PAIP2B: variants seen among roughly 807,000 people sequenced by gnomAD.
PAIP2B encodes polyadenylate-binding protein-interacting protein 2B.
A neutral mutation model predicts 17.0 loss-of-function variants in PAIP2B; 13 were observed. That is an observed-to-expected ratio of 0.76 (90% CI 0.50 to 1.22). The LOEUF (loss-of-function observed/expected upper bound fraction) is 1.22, where lower values mean the gene tolerates loss of function less well. Ranked by LOEUF, PAIP2B falls within the 50% of genes most tolerant of loss-of-function variation. The probability of loss-of-function intolerance (pLI) is 0.00; values close to 1 mark genes in which losing one functional copy is unlikely to be tolerated. For missense variants in PAIP2B, 117 were observed against 144.5 expected, an observed-to-expected ratio of 0.81 and a Z score of 0.98; for synonymous variants, 43 against 48.7, an observed-to-expected ratio of 0.88 and a Z score of 0.48.
At position 71,185,977 on chromosome 2, in the gene PAIP2B, A is replaced by G. The variant is rs943267404; in HGVS notation, c.*2502T>C. ...GAAATACATGTTCCATTTCTATACA[A>G]ATTCTCAAACTTCTAGTTGCCAATT... is the stretch of plus-strand genomic sequence containing the variant. On this transcript the variant is annotated 3_prime_UTR_variant, in exon 4 of 4. Coordinates refer to ENST00000244221, the MANE Select transcript of PAIP2B (RefSeq NM_020459.1). The G allele has an allele frequency of 1.3e-5, 2 of 152,260 alleles. No homozygotes were observed. Among genetic ancestry groups the G allele is most frequent in the African/African-American group, 4.8e-5 (2 of 41,474 alleles). 9.4% of individuals were successfully genotyped at this position (152,260 alleles called of 1,614,324 possible). A position where few individuals can be genotyped will look rare whatever the true frequency, so the allele number is the denominator to read the frequency against.
At chr2:71,218,469 A>G (rs1233573146) in intron 1 of PAIP2B, among the ~76,000 whole-genome samples, 4 of 152,116 alleles carry the variant, frequency 2.6e-5, no homozygotes, top group African/African-American at 9.7e-5. Flanking sequence ...AAACAATGAG[A>G]TTTTCTGCTT....
rs1675720001 is a variant in PAIP2B, at chr2:71,226,197, A to G, written c.-12+731T>C. On this transcript the variant is annotated intron_variant, in intron 1 of 3. Transcript: ENST00000244221. ...AACAGTCTACCAGGAACAAAACATT[A>G]AAGTTCCCAACCTTGCCAAACTCCC... is the stretch of plus-strand genomic sequence containing the variant. Among the ~76,000 whole-genome samples, 4 of 152,302 alleles carry G rather than the reference A, an allele frequency of 2.6e-5. No individual in the cohort carries two copies. The South Asian group carries it at 8.3e-4, about 32-fold the overall frequency.
rs115392526 is a variant in PAIP2B, at chr2:71,197,109, C to T, written c.138+5343G>A. On this transcript the variant is annotated intron_variant, in intron 2 of 3. Coordinates refer to ENST00000244221, the MANE Select transcript of PAIP2B (RefSeq NM_020459.1). ...TGTTTGTGTGGTTGTTTTACAGTGACACTGGTCTGTGTGGTTAAGTGGGTT... is the reference window on the plus strand; with the variant it reads ...TGTTTGTGTGGTTGTTTTACAGTGATACTGGTCTGTGTGGTTAAGTGGGTT... Among the ~76,000 whole-genome samples the T allele has an allele frequency of 2.6e-3, 403 of 152,206 alleles. 2 individuals carry two copies. Among genetic ancestry groups the T allele is most frequent in the African/African-American group, 9.3e-3 (388 of 41,524 alleles).
At chr2:71,206,140 T>G (rs1179482920) in intron 1 of PAIP2B, among the ~76,000 whole-genome samples, 1 of 152,234 alleles carries the variant, frequency 6.6e-6, no homozygotes, top group Non-Finnish European at 1.5e-5. Flanking sequence ...TATACAGGTA[T>G]TCAATAAACA....
intron 1 of PAIP2B, among the ~76,000 whole-genome samples, chr2:71,214,340 C>A (rs1675376030): frequency 6.6e-6 from 1 of 152,174 alleles, no homozygotes; most frequent in Non-Finnish European, 1.5e-5. Flanking sequence ...TTCGGAGAAC[C>A]ATGCTGAAGA....
intron 1 of PAIP2B, among the ~76,000 whole-genome samples, chr2:71,224,396 T>G (rs1675669240): frequency 6.6e-6 from 1 of 152,232 alleles, no homozygotes; most frequent in African/African-American, 2.4e-5. Flanking sequence ...TCAGTGTTCT[T>G]GGCAACTTTA....
rs1011120993 is a variant in PAIP2B, at chr2:71,187,281, A to C, written c.*1198T>G. 1.2e-4 allele frequency: 18 copies of C among 152,230 alleles called. No individual in the cohort carries two copies. Among genetic ancestry groups the C allele is most frequent in the African/African-American group, 4.3e-4 (18 of 41,462 alleles). The allele number at this position is 152,230 out of a possible 1,614,324, so 9.4% of individuals were successfully genotyped here. ...AACACACCCTAAGAGGTCAATCTAC[A>C]AAACTTGCAAAGCTGGGTATGTGGG... is the stretch of plus-strand genomic sequence containing the variant. On this transcript the variant is annotated 3_prime_UTR_variant, in exon 4 of 4. Coordinates refer to ENST00000244221, the MANE Select transcript of PAIP2B (RefSeq NM_020459.1).
intron 1 of PAIP2B, among the ~76,000 whole-genome samples, chr2:71,221,689 A>G (rs889952792): frequency 1.3e-5 from 2 of 152,232 alleles, no homozygotes; most frequent in Non-Finnish European, 2.9e-5. Flanking sequence ...TAGAACTGTT[A>G]TACTCTCAAT....
intron 1 of PAIP2B, among the ~76,000 whole-genome samples, chr2:71,211,337 T>C (rs1434419193): frequency 1.3e-5 from 2 of 152,112 alleles, no homozygotes; most frequent in African/African-American, 2.4e-5. Flanking sequence ...TAGGAGTATA[T>C]AGAATCACCT....
intron 1 of PAIP2B, among the ~76,000 whole-genome samples, chr2:71,223,060 G>A (rs1675630888): frequency 6.6e-6 from 1 of 152,152 alleles, no homozygotes; most frequent in Non-Finnish European, 1.5e-5. Context: ...GTCTTTCTTA[G>A]GCAAATATAA....
At chr2:71,188,632 G>T in intron 3 of PAIP2B, 97 bp from the exon 4 acceptor site, 1 of 1,045,536 alleles carries the variant, frequency 9.6e-7, no homozygotes. Flanking sequence ...TAGCTTTAGG[G>T]AGAGAAAGAA....
chr2:71,188,760 C>CAA (rs1404221280), intron 3 of PAIP2B, among the ~76,000 whole-genome samples: 1 of 152,120 alleles, frequency 6.6e-6, no homozygotes, highest in Non-Finnish European at 1.5e-5. Flanking sequence ...TGATGCTTTC[C>CAA]AAAATCTCAT....
intron 1 of PAIP2B, among the ~76,000 whole-genome samples, chr2:71,215,845 ATC>A (rs1282705342): frequency 3.3e-5 from 5 of 152,342 alleles, no homozygotes; most frequent in South Asian, 2.1e-4. Flanking sequence ...TACTTTATAT[ATC>A]TGTGTATCTA....
chr2:71,199,465 G>A (rs796253676), intron 2 of PAIP2B, among the ~76,000 whole-genome samples: 2 of 150,958 alleles, frequency 1.3e-5, no homozygotes, highest in African/African-American at 4.9e-5. Context: ...AATTCACTAA[G>A]CATTTTCCAT....
chr2:71,191,581 G>C (rs948962128), intron 2 of PAIP2B, among the ~76,000 whole-genome samples: 1 of 152,162 alleles, frequency 6.6e-6, no homozygotes, highest in Non-Finnish European at 1.5e-5. Flanking sequence ...AGAGCACCAG[G>C]CTGTTCAGTT....
chr2:71,192,767 C>A (rs951604681), intron 2 of PAIP2B, among the ~76,000 whole-genome samples: 3 of 152,174 alleles, frequency 2.0e-5, no homozygotes, highest in African/African-American at 7.2e-5. Flanking sequence ...AGGACATAAT[C>A]TCATTATTTT....
chr2:71,203,473 G>T (rs1051056870), intron 1 of PAIP2B, among the ~76,000 whole-genome samples: 1 of 151,960 alleles, frequency 6.6e-6, no homozygotes, highest in Admixed American at 6.6e-5. Context: ...TCCCACCAGT[G>T]GTGTGGAAGT....
At chr2:71,221,946 A>G (rs1675592926) in intron 1 of PAIP2B, among the ~76,000 whole-genome samples, 1 of 152,228 alleles carries the variant, frequency 6.6e-6, no homozygotes, top group Non-Finnish European at 1.5e-5. Context: ...CACTCTTGAT[A>G]GCCCAGAAAC....
intron 2 of PAIP2B, among the ~76,000 whole-genome samples, chr2:71,195,000 C>G (rs1302629450): frequency 6.6e-6 from 1 of 152,120 alleles, no homozygotes; most frequent in Non-Finnish European, 1.5e-5. Context: ...TGGCTTTTAT[C>G]TTTAATTCTG....
Sources: gnomAD v4.1 joint callset for allele counts (sites outside exome capture counted in the v4.1 genomes callset) on GRCh38, gnomAD v4.1.1 for gene constraint, MANE v1.5 for transcripts, NCBI Gene and HGNC (gene_info 2026-07-23, HGNC 2026-07-21) for gene names.